Variants in SHC4 observed in about 807,000 individuals in gnomAD.
SHC4 encodes the protein SHC-transforming protein 4.
SHC4 carries 41 observed loss-of-function variants against 69.4 expected under a neutral mutation model. The observed-to-expected ratio is 0.59, with a 90% CI of 0.46 to 0.77. The LOEUF is 0.77. SHC4 is among the 30% of genes least tolerant of loss of function. The pLI, the probability that SHC4 is intolerant of heterozygous loss-of-function variation, is 0.00. For missense variants in SHC4, 777 were observed against 783.8 expected, an observed-to-expected ratio of 0.99 and a Z score of 0.10; for synonymous variants, 318 against 299.3, an observed-to-expected ratio of 1.06 and a Z score of -0.64.
At chr15:48,834,185 T>G (rs1249131497) in intron 11 of SHC4, among the ~76,000 whole-genome samples, 4 of 152,252 alleles carry the variant, frequency 2.6e-5, no homozygotes, top group Admixed American at 1.3e-4. Flanking sequence ...ATTCATCTTC[T>G]ATTGGCTTAA....
intron 8 of SHC4, among the ~76,000 whole-genome samples, chr15:48,853,528 C>A (rs191503164): frequency 2.6e-5 from 4 of 152,186 alleles, no homozygotes; most frequent in African/African-American, 9.6e-5. Flanking sequence ...CCCAAATAGC[C>A]AAAGCAATCC....
intron 5 of SHC4, among the ~76,000 whole-genome samples, chr15:48,868,661 T>C (rs1899607541): frequency 6.6e-6 from 1 of 152,330 alleles, no homozygotes; most frequent in East Asian, 1.9e-4. Flanking sequence ...AGTATGACTC[T>C]CTAGAGGGAA....
chr15:48,904,645 A>G (rs927878206), intron 2 of SHC4, among the ~76,000 whole-genome samples: 1 of 152,152 alleles, frequency 6.6e-6, no homozygotes, highest in Non-Finnish European at 1.5e-5. Flanking sequence ...TGGGAGGCTA[A>G]GGTGGGAGGA....
At chr15:48,940,063 G>A (rs1454827819) in intron 1 of SHC4, among the ~76,000 whole-genome samples, 1 of 152,208 alleles carries the variant, frequency 6.6e-6, no homozygotes, top group African/African-American at 2.4e-5. Flanking sequence ...TGCTCTAGGT[G>A]TCTGCTAAGA....
intron 6 of SHC4, among the ~76,000 whole-genome samples, chr15:48,866,176 A>T (rs550016762): frequency 6.6e-6 from 1 of 152,338 alleles, no homozygotes; most frequent in South Asian, 2.1e-4. Context: ...GTTATTATTT[A>T]GGGACGTTCA....
chr15:48,945,135 G>T (rs573021817), intron 1 of SHC4, among the ~76,000 whole-genome samples: 3 of 152,264 alleles, frequency 2.0e-5, no homozygotes, highest in African/African-American at 7.2e-5. Context: ...GAAATGTTGG[G>T]TCCTCCCAGA....
At chr15:48,881,825 G>T (rs979205441) in intron 4 of SHC4, among the ~76,000 whole-genome samples, 2 of 152,008 alleles carry the variant, frequency 1.3e-5, no homozygotes, top group Non-Finnish European at 2.9e-5. Flanking sequence ...CTGAAATATG[G>T]TAATATTTAA....
chr15:48,848,318 C>T (rs1899137361), intron 9 of SHC4, among the ~76,000 whole-genome samples: 1 of 152,028 alleles, frequency 6.6e-6, no homozygotes, highest in Non-Finnish European at 1.5e-5. Context: ...CAGTGATTTA[C>T]GGGGGAGCAA....
At chr15:48,900,027 C>A (rs569223178) in intron 2 of SHC4, among the ~76,000 whole-genome samples, 1 of 152,098 alleles carries the variant, frequency 6.6e-6, no homozygotes, top group Non-Finnish European at 1.5e-5. Flanking sequence ...TGTGTTAGTG[C>A]GTGTTAAGGA....
intron 7 of SHC4, 72 bp from the exon 8 acceptor site, chr15:48,856,196 G>C (rs985811424): frequency 1.4e-6 from 2 of 1,395,858 alleles, no homozygotes; most frequent in African/African-American, 1.4e-5. Context: ...AAGGGGATCA[G>C]AACCAAGCAA....
intron 11 of SHC4, among the ~76,000 whole-genome samples, 156 bp from the exon 12 acceptor site, chr15:48,826,282 C>T (rs184475540): frequency 6.8e-6 from 1 of 147,092 alleles, no homozygotes; most frequent in African/African-American, 2.5e-5. Flanking sequence ...GACAGAGTGT[C>T]ACTCTGTGGC....
At chr15:48,896,827 T>G (rs938689333) in intron 2 of SHC4, among the ~76,000 whole-genome samples, 8 of 152,242 alleles carry the variant, frequency 5.3e-5, no homozygotes, top group Non-Finnish European at 7.3e-5. Context: ...TGCCTACATT[T>G]TGTTGCTTTT....
chr15:48,913,057 A>ATTT (rs34099850), intron 2 of SHC4, among the ~76,000 whole-genome samples: 124,572 of 151,008 alleles, frequency 0.82, 52,020 homozygotes, highest in East Asian at 1. Context: ...TTGATGCTCT[A>ATTT]TTGGGCTGGT....
chr15:48,878,764 A>G (rs745541224), intron 4 of SHC4: 25 of 1,587,506 alleles, frequency 1.6e-5, no homozygotes, highest in Non-Finnish European at 2.2e-5. Flanking sequence ...AAAGAGGAGG[A>G]AACTACTTGA....
At chr15:48,923,680 C>A (rs1482636620) in intron 2 of SHC4, among the ~76,000 whole-genome samples, 1 of 141,084 alleles carries the variant, frequency 7.1e-6, no homozygotes, top group African/African-American at 2.7e-5. Context: ...CTTGCTGTCA[C>A]CCACACAGGA....
rs965740720 is a variant in SHC4, at chr15:48,864,494, C to T, written c.946+3324G>A. On this transcript the variant is annotated intron_variant, in intron 6 of 11. Coordinates refer to ENST00000332408, the MANE Select transcript of SHC4 (RefSeq NM_203349.4). ...ACAGAGTCTTGCTCTGTCGCCCAGG[C>T]TGGAGTGCAGTGGCGTGATCTTGGC... Among the ~76,000 whole-genome samples the T allele has an allele frequency of 2.6e-5, 3 of 116,002 alleles. No homozygotes were observed. In the South Asian group the frequency reaches 9.0e-4, roughly 35 times the overall value. 76.1% of individuals were successfully genotyped at this position (116,002 alleles called of 152,430 possible).
intron 11 of SHC4, among the ~76,000 whole-genome samples, chr15:48,829,908 G>A (rs1022556497): frequency 8.5e-5 from 13 of 152,194 alleles, no homozygotes; most frequent in African/African-American, 2.4e-4. Context: ...AATAGAGCGA[G>A]ACTCCGTCTC....
At chr15:48,828,345 T>C (rs919827527) in intron 11 of SHC4, among the ~76,000 whole-genome samples, 2 of 152,172 alleles carry the variant, frequency 1.3e-5, no homozygotes, top group East Asian at 1.9e-4. Flanking sequence ...CTCTTTTCTA[T>C]GGTTGTTCTA....
At chr15:48,880,993 T>A (rs901241427) in intron 4 of SHC4, among the ~76,000 whole-genome samples, 44 of 105,326 alleles carry the variant, frequency 4.2e-4, no homozygotes, top group Admixed American at 1.0e-3. Flanking sequence ...AGAGTGTGTG[T>A]GTGTGTGTGT....
Sources: allele counts gnomAD v4.1 joint callset (sites outside exome capture counted in the v4.1 genomes callset), GRCh38; gene constraint gnomAD v4.1.1; transcripts MANE v1.5; gene names NCBI Gene and HGNC (gene_info 2026-07-23, HGNC 2026-07-21).